ZDHHC21: variants seen among roughly 807,000 people sequenced by gnomAD.
ZDHHC21 encodes the protein zDHHC palmitoyltransferase 21.
A neutral mutation model predicts 34.6 loss-of-function variants in ZDHHC21; 15 were observed. That is an observed-to-expected ratio of 0.43 (90% CI 0.29 to 0.67). The LOEUF (loss-of-function observed/expected upper bound fraction) is 0.67. Among genes scored for constraint, ZDHHC21 ranks in the 30% least tolerant of loss-of-function variants. The probability of loss-of-function intolerance (pLI) is 0.14; values close to 1 mark genes in which losing one functional copy is unlikely to be tolerated. For missense variants in ZDHHC21, 344 were observed against 327.7 expected, an observed-to-expected ratio of 1.05 and a Z score of -0.38; for synonymous variants, 142 against 101.8, an observed-to-expected ratio of 1.40 and a Z score of -2.38.
intron 3 of ZDHHC21, chr9:14,677,413 G>A (rs1429401480): frequency 6.6e-6 from 1 of 151,920 alleles, no homozygotes; most frequent in African/African-American, 2.4e-5. Flanking sequence ...AACTGGAAGA[G>A]GTGCAAGATC....
the ZDHHC21 span, among the ~76,000 whole-genome samples, chr9:14,595,311 A>C: frequency 6.6e-6 from 1 of 152,220 alleles, no homozygotes; most frequent in Non-Finnish European, 1.5e-5. Flanking sequence ...TTCATAAGAC[A>C]GAGTTCTGTT....
At chr9:14,655,735 C>A (rs1832089765) in intron 7 of ZDHHC21, among the ~76,000 whole-genome samples, 2 of 150,464 alleles carry the variant, frequency 1.3e-5, no homozygotes, top group South Asian at 2.1e-4. Flanking sequence ...ATTAGAAATT[C>A]CAAAACAGGA....
chr9:14,644,754 T>C (rs2133767596), intron 7 of ZDHHC21, among the ~76,000 whole-genome samples: 1 of 152,128 alleles, frequency 6.6e-6, no homozygotes, highest in Admixed American at 6.5e-5. Flanking sequence ...GTTGCTTATA[T>C]ATAACCACAT....
chr9:14,662,722 C>G (rs1564336146), intron 5 of ZDHHC21, among the ~76,000 whole-genome samples: 1 of 152,106 alleles, frequency 6.6e-6, no homozygotes, highest in Non-Finnish European at 1.5e-5. Flanking sequence ...TCTAAAGGCT[C>G]TAAAGAAGAA....
At chr9:14,664,425 C>T (rs1279489908) in intron 5 of ZDHHC21, among the ~76,000 whole-genome samples, 1 of 150,694 alleles carries the variant, frequency 6.6e-6, no homozygotes, top group African/African-American at 2.4e-5. Flanking sequence ...GGCAGCCAGG[C>T]TGGGGGAGGG....
intron 2 of ZDHHC21, among the ~76,000 whole-genome samples, chr9:14,688,146 G>A (rs1031271414): frequency 2.0e-5 from 3 of 150,898 alleles, no homozygotes; most frequent in Non-Finnish European, 2.9e-5. Context: ...GATGTTAAAA[G>A]AGAAATTATG....
intron 7 of ZDHHC21, among the ~76,000 whole-genome samples, chr9:14,644,858 T>C (rs1396428346): frequency 2.0e-5 from 3 of 151,798 alleles, no homozygotes; most frequent in East Asian, 1.9e-4. Context: ...ATATTTACTT[T>C]GCTTTAGTCT....
chr9:14,640,144 T>C (rs1480810340), intron 7 of ZDHHC21, 132 bp from the exon 8 acceptor site: 5 of 514,802 alleles, frequency 9.7e-6, no homozygotes, highest in African/African-American at 7.6e-5. Flanking sequence ...CCCTCTTTTA[T>C]ACTTCTATTG....
At chr9:14,648,862 T>G (rs1356579093) in intron 7 of ZDHHC21, among the ~76,000 whole-genome samples, 1 of 152,136 alleles carries the variant, frequency 6.6e-6, no homozygotes, top group Admixed American at 6.6e-5. Flanking sequence ...TCAATGAGTT[T>G]GAAGCAATTT....
chr9:14,629,285 A>T (rs1010224835), intron 8 of ZDHHC21, among the ~76,000 whole-genome samples: 1 of 152,166 alleles, frequency 6.6e-6, no homozygotes, highest in South Asian at 2.1e-4. Context: ...GGTTTTAGAA[A>T]TATCACCTCA....
intron 7 of ZDHHC21, among the ~76,000 whole-genome samples, chr9:14,649,318 G>C (rs868160901): frequency 2.6e-5 from 4 of 152,006 alleles, no homozygotes; most frequent in Non-Finnish European, 2.9e-5. Context: ...GATATCTAAA[G>C]CATACAGATT....
intron 3 of ZDHHC21, among the ~76,000 whole-genome samples, chr9:14,679,019 G>C (rs919638072): frequency 2.0e-5 from 3 of 152,048 alleles, no homozygotes; most frequent in Admixed American, 2.0e-4. Flanking sequence ...AGAGGCATGA[G>C]GGAACTCTCT....
intron 8 of ZDHHC21, among the ~76,000 whole-genome samples, chr9:14,636,363 C>A (rs1260837763): frequency 6.6e-6 from 1 of 152,090 alleles, no homozygotes; most frequent in East Asian, 1.9e-4. Context: ...GAAGATATAA[C>A]AACTCTAAAT....
At position 14,632,512 on chromosome 9, in the gene ZDHHC21, A is replaced by T. The variant is rs1827546446; in HGVS notation, c.621+7384T>A. On this transcript the variant is annotated intron_variant, in intron 8 of 9. Transcript: ENST00000380916. ...TAAAACCCTTAGAAGAAAATATAGG[A>T]GTGAATTTTGTTGACCTTGGATTAG... 1.3e-5 allele frequency among the ~76,000 whole-genome samples: 2 copies of T among 151,492 alleles called. 1 individual carries two copies. Among genetic ancestry groups the T allele is most frequent in the Non-Finnish European group, 2.9e-5 (2 of 67,904 alleles).
At chr9:14,664,128 G>C (rs1252805120) in intron 5 of ZDHHC21, among the ~76,000 whole-genome samples, 1 of 152,162 alleles carries the variant, frequency 6.6e-6, no homozygotes. Context: ...GTGCCAGACA[G>C]TGGGCGCAGG....
chr9:14,600,764 C>T, the ZDHHC21 span, among the ~76,000 whole-genome samples: 1 of 152,154 alleles, frequency 6.6e-6, no homozygotes, highest in East Asian at 1.9e-4. Context: ...TACAAGGCTA[C>T]AGTAACCAAA....
intron 2 of ZDHHC21, among the ~76,000 whole-genome samples, chr9:14,688,579 G>A (rs1051049966): frequency 7.0e-6 from 1 of 143,182 alleles, no homozygotes; most frequent in Non-Finnish European, 1.5e-5. Context: ...AAACAAATGG[G>A]GGCCAGGCAC....
intron 2 of ZDHHC21, among the ~76,000 whole-genome samples, chr9:14,683,242 C>A (rs1243793543): frequency 6.6e-6 from 1 of 152,108 alleles, no homozygotes; most frequent in Non-Finnish European, 1.5e-5. Flanking sequence ...ATCAATGAAT[C>A]CAGGAGCTGG....
At chr9:14,622,401 C>T (rs1825461124) in intron 8 of ZDHHC21, 1 of 294,060 alleles carries the variant, frequency 3.4e-6, no homozygotes, top group Non-Finnish European at 4.9e-6. Flanking sequence ...AAAATTATAC[C>T]TGGAATGGGG....
Sources: gnomAD v4.1 joint callset for allele counts (sites outside exome capture counted in the v4.1 genomes callset) on GRCh38, gnomAD v4.1.1 for gene constraint, MANE v1.5 for transcripts, NCBI Gene and HGNC (gene_info 2026-07-23, HGNC 2026-07-21) for gene names.